Variants in KLHL1 observed in about 807,000 individuals in gnomAD.
KLHL1 encodes the protein kelch like family member 1.
Under a neutral mutation model 77.7 loss-of-function variants are expected in KLHL1, and 47 were observed. The observed-to-expected ratio is 0.60, with a 90% CI of 0.48 to 0.77. The LOEUF is 0.77. Among genes scored for constraint, KLHL1 ranks in the 30% least tolerant of loss-of-function variants. The probability of loss-of-function intolerance (pLI) is 0.00; values close to 1 mark genes in which losing one functional copy is unlikely to be tolerated. For synonymous variants in KLHL1, 360 were observed against 325.2 expected (o/e 1.11, Z -1.15); for missense variants, 925 against 910.8 (o/e 1.02, Z -0.20).
intron 7 of KLHL1, among the ~76,000 whole-genome samples, chr13:69,772,418 A>T (rs1308274915): frequency 6.6e-6 from 1 of 152,110 alleles, no homozygotes; most frequent in East Asian, 1.9e-4. Flanking sequence ...AAATAAACAG[A>T]AGTACTTAAA....
chr13:69,840,059 A>T (rs1174240382), intron 5 of KLHL1, among the ~76,000 whole-genome samples: 2 of 151,980 alleles, frequency 1.3e-5, no homozygotes, highest in Non-Finnish European at 2.9e-5. Context: ...TGATAAAAAA[A>T]TTGTACCACA....
chr13:70,011,989 A>G (rs1243669131), intron 1 of KLHL1, among the ~76,000 whole-genome samples: 2 of 152,194 alleles, frequency 1.3e-5, no homozygotes, highest in African/African-American at 4.8e-5. Flanking sequence ...GCAAAGAGAG[A>G]GAGCTTAATA....
chr13:70,000,975 G>A (rs1444768836), intron 1 of KLHL1, among the ~76,000 whole-genome samples: 2 of 150,888 alleles, frequency 1.3e-5, no homozygotes, highest in African/African-American at 4.9e-5. Flanking sequence ...GATCAATGAT[G>A]ACAGGAAAGT....
chr13:70,034,525 T>C (rs1392789018), intron 1 of KLHL1, among the ~76,000 whole-genome samples: 1 of 152,208 alleles, frequency 6.6e-6, no homozygotes, highest in Non-Finnish European at 1.5e-5. Flanking sequence ...ACTGTATTTA[T>C]ATGCATCACT....
intron 1 of KLHL1, among the ~76,000 whole-genome samples, chr13:70,069,787 T>G (rs1887097491): frequency 6.6e-6 from 1 of 151,392 alleles, no homozygotes; most frequent in African/African-American, 2.5e-5. Context: ...ATGAAAAGAT[T>G]TTAAAAAATA....
intron 7 of KLHL1, among the ~76,000 whole-genome samples, chr13:69,788,994 GAT>G (rs1876715468): frequency 6.7e-6 from 1 of 149,668 alleles, no homozygotes; most frequent in Admixed American, 6.6e-5. Context: ...AGGAGAAAAA[GAT>G]AAACACTGGA....
chr13:69,904,746 G>A (rs9564630), intron 4 of KLHL1, among the ~76,000 whole-genome samples: 140,314 of 152,148 alleles, frequency 0.92, 65,137 homozygotes, highest in South Asian at 0.98. Context: ...TGGCTCCAGA[G>A]TTTACGCTTA....
chr13:70,006,887 CAAT>C (rs1885420430), intron 1 of KLHL1, among the ~76,000 whole-genome samples: 1 of 151,880 alleles, frequency 6.6e-6, no homozygotes, highest in East Asian at 1.9e-4. Context: ...AATAATCATA[CAAT>C]GTTTTTAAGT....
intron 7 of KLHL1, among the ~76,000 whole-genome samples, chr13:69,748,087 A>G (rs1178664230): frequency 6.6e-6 from 1 of 152,054 alleles, no homozygotes; most frequent in Admixed American, 6.6e-5. Context: ...AGGAGAATAC[A>G]GACAATAAAC....
At chr13:70,057,324 A>C (rs1407475053) in intron 1 of KLHL1, among the ~76,000 whole-genome samples, 1 of 152,120 alleles carries the variant, frequency 6.6e-6, no homozygotes, top group Non-Finnish European at 1.5e-5. Flanking sequence ...TTAGAACCTT[A>C]TAGCTTCACT....
intron 5 of KLHL1, among the ~76,000 whole-genome samples, chr13:69,866,152 C>T (rs534635927): frequency 6.6e-6 from 1 of 152,160 alleles, no homozygotes; most frequent in Middle Eastern, 3.4e-3. Flanking sequence ...GAAAAGAGTA[C>T]AGCACTTATG....
At chr13:69,890,510 A>T (rs1881386992) in intron 4 of KLHL1, among the ~76,000 whole-genome samples, 2 of 152,054 alleles carry the variant, frequency 1.3e-5, no homozygotes, top group South Asian at 4.1e-4. Flanking sequence ...GAATAGCTCT[A>T]TTAGAAAATT....
chr13:69,920,276 T>C lies in KLHL1; in HGVS notation c.1014+19764A>G, dbSNP rs138008444. 8.5e-3 allele frequency among the ~76,000 whole-genome samples: 1,292 copies of C among 152,236 alleles called. 10 individuals are homozygous for C. Among genetic ancestry groups the C allele is most frequent in the African/African-American group, 0.028 (1,181 of 41,566 alleles). The stretch of plus-strand genomic sequence containing the variant: ...AGTTTCCAATTTTTGGAAAACAGTA[T>C]ATGATTACTATAATCTTATAGCATC... On this transcript the variant is annotated intron_variant, in intron 4 of 10. Coordinates refer to ENST00000377844, the MANE Select transcript of KLHL1 (RefSeq NM_020866.3).
chr13:69,991,265 C>T (rs893571521), intron 1 of KLHL1, among the ~76,000 whole-genome samples: 5 of 151,708 alleles, frequency 3.3e-5, no homozygotes, highest in African/African-American at 9.6e-5. Flanking sequence ...AAGAGCGAAC[C>T]AACCCAAAGG....
intron 7 of KLHL1, among the ~76,000 whole-genome samples, chr13:69,785,154 A>G (rs983314165): frequency 1.3e-5 from 2 of 151,948 alleles, no homozygotes; most frequent in African/African-American, 4.8e-5. Context: ...GGCCTCCCAA[A>G]GTGCTGGGAT....
intron 5 of KLHL1, among the ~76,000 whole-genome samples, chr13:69,881,807 G>A (rs1881001576): frequency 6.6e-6 from 1 of 152,022 alleles, no homozygotes; most frequent in African/African-American, 2.4e-5. Context: ...CTACTATTCA[G>A]GTATGTTTTA....
At chr13:70,089,376 TAGAA>T (rs1887620931) in intron 1 of KLHL1, among the ~76,000 whole-genome samples, 2 of 152,246 alleles carry the variant, frequency 1.3e-5, no homozygotes, top group South Asian at 4.1e-4. Context: ...ATATTAAAAA[TAGAA>T]AGCCTATTTT....
At chr13:70,063,760 A>T (rs915973906) in intron 1 of KLHL1, among the ~76,000 whole-genome samples, 13 of 152,076 alleles carry the variant, frequency 8.5e-5, no homozygotes, top group Non-Finnish European at 1.8e-4. Flanking sequence ...TTCATTGGTG[A>T]TAATACATTG....
intron 4 of KLHL1, among the ~76,000 whole-genome samples, chr13:69,936,771 C>T (rs183249921): frequency 1.3e-5 from 2 of 152,086 alleles, no homozygotes; most frequent in East Asian, 1.9e-4. Context: ...GAAGTTTCTA[C>T]TGAAGATTTC....
Sources: allele counts gnomAD v4.1 joint callset (sites outside exome capture counted in the v4.1 genomes callset), GRCh38; gene constraint gnomAD v4.1.1; transcripts MANE v1.5; gene names NCBI Gene and HGNC (gene_info 2026-07-23, HGNC 2026-07-21).